Variants in TBL1XR1 observed in about 807,000 individuals in gnomAD.
The protein encoded by TBL1XR1 is TBL1X/Y related 1.
In TBL1XR1, 5 loss-of-function variants were observed where a neutral mutation model predicts 66.9. The ratio of observed to expected loss-of-function variants is 0.07; its 90% confidence interval spans 0.04 to 0.16. The LOEUF is 0.16. TBL1XR1 is among the 10% of genes least tolerant of loss of function. The pLI, the probability that TBL1XR1 is intolerant of heterozygous loss-of-function variation, is 1.00. For missense variants in TBL1XR1, 238 were observed against 623.2 expected, an observed-to-expected ratio of 0.38 and a Z score of 6.58; for synonymous variants, 210 against 206.0, an observed-to-expected ratio of 1.02 and a Z score of -0.17.
At chr3:177,040,454 T>C (rs777834878) in intron 10 of TBL1XR1, among the ~76,000 whole-genome samples, 12 of 152,118 alleles carry the variant, frequency 7.9e-5, no homozygotes, top group Non-Finnish European at 1.3e-4. Context: ...CCAAGCATAA[T>C]AGTAACTGGC....
chr3:177,091,302 T>C (rs1722815000), intron 2 of TBL1XR1: 3 of 152,164 alleles, frequency 2.0e-5, no homozygotes, highest in African/African-American at 7.2e-5. Flanking sequence ...TACATTTACA[T>C]GTACTTAAAG....
intron 12 of TBL1XR1, 129 bp downstream of exon 12, chr3:177,037,968 TA>T (rs1199458869): frequency 1.5e-6 from 1 of 688,782 alleles, no homozygotes; most frequent in Non-Finnish European, 2.4e-6. Context: ...GTTAGCCATT[TA>T]AAATGTTGGA....
intron 1 of TBL1XR1, among the ~76,000 whole-genome samples, chr3:177,142,161 C>A (rs897750167): frequency 1.3e-5 from 2 of 152,092 alleles, no homozygotes; most frequent in Non-Finnish European, 2.9e-5. Flanking sequence ...AGGCTTAGCC[C>A]AGGAGGCTTC....
At chr3:177,112,101 A>ATG (rs1191026238) in intron 1 of TBL1XR1, among the ~76,000 whole-genome samples, 1 of 48,230 alleles carries the variant, frequency 2.1e-5, no homozygotes, top group African/African-American at 1.1e-4. Context: ...ATATATATAT[A>ATG]TATATATTTT....
At position 177,092,209 on chromosome 3, in the gene TBL1XR1, T is replaced by C. The variant is rs141943816; in HGVS notation, c.-46+6257A>G. The stretch of plus-strand genomic sequence containing the variant: ...TTTCAGATGTTGGAGCATTTCAGAT[T>C]AGAGGTATTCCATCTATACTTAGCA... On this transcript the variant is annotated intron_variant, in intron 2 of 15. Transcript: ENST00000457928. Among the ~76,000 whole-genome samples, 67 of 152,272 alleles carry C rather than the reference T, an allele frequency of 4.4e-4. No individual in the cohort carries two copies. The Middle Eastern group carries it at 0.014, about 31-fold the overall frequency.
At chr3:177,153,551 T>G (rs1731147060) in intron 1 of TBL1XR1, among the ~76,000 whole-genome samples, 1 of 152,136 alleles carries the variant, frequency 6.6e-6, no homozygotes. Flanking sequence ...TCTAACACTA[T>G]ATGTGAAATG....
At chr3:177,048,932 C>G (rs1716678672) in intron 7 of TBL1XR1, among the ~76,000 whole-genome samples, 1 of 152,158 alleles carries the variant, frequency 6.6e-6, no homozygotes, top group Admixed American at 6.5e-5. Context: ...TGTAAGATAT[C>G]TGAACTAAAA....
At chr3:177,044,944 T>A (rs1449940276) in intron 10 of TBL1XR1, 1 of 152,098 alleles carries the variant, frequency 6.6e-6, no homozygotes, top group Non-Finnish European at 1.5e-5. Context: ...CCTGAGAGAA[T>A]TCTGAAAACT....
At chr3:177,163,627 T>G (rs545616862) in intron 1 of TBL1XR1, among the ~76,000 whole-genome samples, 8 of 152,098 alleles carry the variant, frequency 5.3e-5, no homozygotes, top group Admixed American at 3.3e-4. Context: ...AAAACAATAC[T>G]GGGGAGAGGG....
chr3:177,114,652 T>C (rs1209957344), intron 1 of TBL1XR1, among the ~76,000 whole-genome samples: 2 of 151,756 alleles, frequency 1.3e-5, no homozygotes, highest in East Asian at 3.9e-4. Context: ...CATAATGTCG[T>C]ATGTCACTTT....
intron 12 of TBL1XR1, among the ~76,000 whole-genome samples, chr3:177,036,889 C>T (rs1031766063): frequency 1.3e-5 from 2 of 152,178 alleles, no homozygotes; most frequent in Non-Finnish European, 2.9e-5. Flanking sequence ...AAACTGTTTT[C>T]AGTAGAGGGT....
chr3:177,153,113 C>A (rs1472798833), intron 1 of TBL1XR1, among the ~76,000 whole-genome samples: 1 of 151,948 alleles, frequency 6.6e-6, no homozygotes, highest in Non-Finnish European at 1.5e-5. Flanking sequence ...CTAGCCTGGG[C>A]AACAGAGTGA....
chr3:177,183,158 G>A (rs1409162625), intron 1 of TBL1XR1, among the ~76,000 whole-genome samples: 2 of 152,122 alleles, frequency 1.3e-5, no homozygotes, highest in African/African-American at 4.8e-5. Context: ...GAACGTCGAC[G>A]TTTCTGAGTA....
intron 1 of TBL1XR1, among the ~76,000 whole-genome samples, chr3:177,100,426 T>C (rs1488343617): frequency 6.6e-6 from 1 of 151,858 alleles, no homozygotes; most frequent in East Asian, 1.9e-4. Flanking sequence ...GTGAATAATG[T>C]ACTTTTTTTT....
At chr3:177,177,774 T>C (rs1179321989) in intron 1 of TBL1XR1, among the ~76,000 whole-genome samples, 1 of 152,144 alleles carries the variant, frequency 6.6e-6, no homozygotes, top group African/African-American at 2.4e-5. Context: ...AACTATTTAT[T>C]ACGAACCTGC....
chr3:177,195,124 G>A (rs144572846), intron 1 of TBL1XR1, among the ~76,000 whole-genome samples: 13 of 151,086 alleles, frequency 8.6e-5, no homozygotes, highest in Non-Finnish European at 1.5e-4. Context: ...CAACTCAAAC[G>A]TCAAAAAAAA....
At chr3:177,032,560 G>A (rs1714158158) in intron 14 of TBL1XR1, 1 of 153,346 alleles carries the variant, frequency 6.5e-6, no homozygotes. Flanking sequence ...ACCTGAAAAG[G>A]TAATGTAGTT....
At chr3:177,114,755 C>T (rs756591558) in intron 1 of TBL1XR1, among the ~76,000 whole-genome samples, 2 of 151,632 alleles carry the variant, frequency 1.3e-5, no homozygotes, top group Non-Finnish European at 2.9e-5. Flanking sequence ...ATGGGAAGAT[C>T]GCTTAAGCCC....
intron 1 of TBL1XR1, among the ~76,000 whole-genome samples, chr3:177,125,040 A>T (rs1426913016): frequency 6.6e-6 from 1 of 152,150 alleles, no homozygotes; most frequent in Non-Finnish European, 1.5e-5. Flanking sequence ...TGCCACCAAG[A>T]GTACAAGAAA....
Sources: allele counts gnomAD v4.1 joint callset (sites outside exome capture counted in the v4.1 genomes callset), GRCh38; gene constraint gnomAD v4.1.1; transcripts MANE v1.5; gene names NCBI Gene and HGNC (gene_info 2026-07-23, HGNC 2026-07-21).